The following DSP variants were observed in gnomAD, a reference collection of about 807,000 sequenced individuals.
DSP encodes desmoplakin.
DSP carries 114 observed loss-of-function variants against 290.6 expected under a neutral mutation model. The observed-to-expected ratio is 0.39, with a 90% CI of 0.34 to 0.46. The LOEUF (loss-of-function observed/expected upper bound fraction) is 0.46. Ranked by LOEUF, DSP falls within the 20% of genes least tolerant of loss-of-function variation. The pLI, the probability that DSP is intolerant of heterozygous loss-of-function variation, is 0.99. For missense variants in DSP, 3,230 were observed against 3,495.8 expected (o/e 0.92, Z 1.92); for synonymous variants, 1,311 against 1,316.4 (o/e 1.00, Z 0.09).
At chr6:7,564,896 G>A (rs977945018) in intron 6 of DSP, among the ~76,000 whole-genome samples, 6 of 152,176 alleles carry the variant, frequency 3.9e-5, no homozygotes, top group African/African-American at 1.2e-4. Flanking sequence ...CATAATTCCA[G>A]CACTTTGGGG....
Position 7,579,549 on chromosome 6 carries a change from A to T in DSP, c.3359A>T (p.Asp1120Val). The change falls in exon 23 of 24, where the codon GAT becomes GTT. Residue 1120 changes from aspartate (D) to valine (V), a missense_variant. By Grantham distance (152) the Asp-to-Val change is radical. Around this residue, in one of 5 missense-constraint regions of DSP, gnomAD observed 1,714 missense variants for 1,844.5 expected, o/e 0.93. Coordinates refer to ENST00000379802, the MANE Select transcript of DSP (RefSeq NM_004415.4). The surrounding 1 kb of genome is among the most constrained non-coding windows in gnomAD (Gnocchi z 4.1). ...ACCCGACTGACTTATGAGATTGAAGATGAAAAGAGAAGAAGAAAATCTGTG... is the reference window on the plus strand; with the variant it reads ...ACCCGACTGACTTATGAGATTGAAGTTGAAAAGAGAAGAAGAAAATCTGTG... ...KITRLTYEIEDEKRRRKSVED... is the reference protein window; with the variant it reads ...KITRLTYEIEVEKRRRKSVED... 6.2e-7 allele frequency: 1 copy of T among 1,613,980 alleles called. No individual in the cohort carries two copies. The highest frequency in any genetic ancestry group is 8.5e-7 in the Non-Finnish European group (1 of 1,180,020).
Position 7,583,456 on chromosome 6 carries a change from A to G in DSP, c.6194A>G (p.Glu2065Gly). The G allele has an allele frequency of 6.2e-7, 1 of 1,614,202 alleles. No homozygotes were observed. The highest frequency in any genetic ancestry group is 1.3e-5 in the African/African-American group (1 of 75,046). The change falls in exon 24 of 24, where the codon GAG becomes GGG. Residue 2065 changes from glutamate (E) to glycine (G), a missense_variant. Physicochemically the swap from Glu to Gly is moderately conservative, Grantham distance 98 (BLOSUM62 -2). Coordinates refer to ENST00000379802, the MANE Select transcript of DSP (RefSeq NM_004415.4). The surrounding 1 kb of genome is among the most constrained non-coding windows in gnomAD (Gnocchi z 4.0). ...TGGIIDPHRNEKLTVDSAIAR... is the reference protein window; with the variant it reads ...TGGIIDPHRNGKLTVDSAIAR... ...GGTATAATTGATCCCCATCGGAATGAGAAGCTGACTGTCGACAGTGCCATA... is the reference window on the plus strand; with the variant it reads ...GGTATAATTGATCCCCATCGGAATGGGAAGCTGACTGTCGACAGTGCCATA...
Position 7,579,587 on chromosome 6 carries a change from G to T in DSP, c.3397G>T (p.Asp1133Tyr). The change falls in exon 23 of 24, where the codon GAC (aspartate) becomes TAC (tyrosine). Residue 1133 changes from aspartate to tyrosine, a missense_variant. This residue lies in a region of DSP where 1,714 missense variants were observed against 1,844.5 expected (regional missense o/e 0.93). Transcript: ENST00000379802. The surrounding 1 kb of genome is among the most constrained non-coding windows in gnomAD (Gnocchi z 4.1). Reference sequence around the variant, plus strand: ...AAGAAAATCTGTGGAAGACAGATTTGACCAACAGAAGAATGACTATGACCA... The same window carrying T: ...AAGAAAATCTGTGGAAGACAGATTTTACCAACAGAAGAATGACTATGACCA... ...RRRKSVEDRFDQQKNDYDQLQ... is the reference protein window; with the variant it reads ...RRRKSVEDRFYQQKNDYDQLQ... 1.9e-6 allele frequency: 3 copies of T among 1,613,926 alleles called. No homozygotes were observed. In the South Asian group the frequency reaches 3.3e-5, roughly 18 times the overall value.
chr6:7,580,416 TAA>T lies in DSP; in HGVS notation c.4228_4229del (p.Lys1410GlufsTer29). The T allele has an allele frequency of 6.2e-7, 1 of 1,612,986 alleles. No homozygotes were observed. Among genetic ancestry groups the T allele is most frequent in the Non-Finnish European group, 8.5e-7 (1 of 1,179,788 alleles). ...GAAAACAGGAGCTTATCTGAAGAAA[TAA>T]AGAGGCTGAAGAACACTCTAACCCA... On this transcript the variant is annotated frameshift_variant, in exon 23 of 24. Coordinates refer to ENST00000379802, the MANE Select transcript of DSP (RefSeq NM_004415.4). LOFTEE classifies it high-confidence loss of function. This position sits in a 1 kb window ranked among gnomAD's most constrained non-coding sequence, Gnocchi z 4.2.
In DSP at chr6:7,582,191, TTATA is replaced by T. The variant is rs568348801; in HGVS notation, c.5380-448_5380-445del. The stretch of plus-strand genomic sequence containing the variant: ...GTATATCTATATATTATATATATAA[TTATA>T]TAATTACATAATATATATTTATCTA... On this transcript the variant is annotated intron_variant, in intron 23 of 23. Coordinates refer to ENST00000379802, the MANE Select transcript of DSP (RefSeq NM_004415.4). The surrounding 1 kb of genome is among the most constrained non-coding windows in gnomAD (Gnocchi z 4.2). 4.7e-3 allele frequency among the ~76,000 whole-genome samples: 689 copies of T among 146,490 alleles called. No individual in the cohort carries two copies. The highest frequency in any genetic ancestry group is 8.1e-3 in the Non-Finnish European group (542 of 66,724).
chr6:7,543,099 G>C (rs569302438), intron 1 of DSP, among the ~76,000 whole-genome samples: 2 of 152,316 alleles, frequency 1.3e-5, no homozygotes, highest in African/African-American at 2.4e-5. Context: ...CTTTGACCGG[G>C]TCTCGGGAGC....
chr6:7,562,848 C>G (rs1224927550), intron 5 of DSP, 68 bp downstream of exon 5: 1 of 1,603,256 alleles, frequency 6.2e-7, no homozygotes, highest in East Asian at 2.2e-5. Flanking sequence ...TTACTCAATC[C>G]CAGGGAGTTT....
Position 7,551,629 on chromosome 6 carries a change from C to CAA in DSP, c.171-4078_171-4077dup, listed in dbSNP as rs5874101. Among the ~76,000 whole-genome samples, 29 of 143,776 alleles carry CAA rather than the reference C, an allele frequency of 2.0e-4. No individual in the cohort carries two copies. In the South Asian group the frequency reaches 4.9e-3, roughly 24 times the overall value. 94.3% of individuals were successfully genotyped at this position (143,776 alleles called of 152,430 possible). A position where few individuals can be genotyped will look rare whatever the true frequency, so the allele number is the denominator to read the frequency against. On this transcript the variant is annotated intron_variant, in intron 1 of 23. Coordinates refer to ENST00000379802, the MANE Select transcript of DSP (RefSeq NM_004415.4). ...TGGGCGACAGAGTGAGACTCCTTCTCAAAAAAAAAAAACAGGCATGTTTCC... is the reference window on the plus strand; with the variant it reads ...TGGGCGACAGAGTGAGACTCCTTCTCAAAAAAAAAAAAAACAGGCATGTTTCC...
chr6:7,570,031 C>A (rs186431587), intron 12 of DSP, among the ~76,000 whole-genome samples: 1 of 152,320 alleles, frequency 6.6e-6, no homozygotes, highest in African/African-American at 2.4e-5. Context: ...TTGTCCATGG[C>A]AGATTCCTTT....
chr6:7,565,922 C>T lies in DSP; in HGVS notation c.939+402C>T, dbSNP rs1758849777. ...GATGAAATAACCTGTACAACAAATCCCTGTGATACAAGTTTACCTGTGTAA... is the reference window on the plus strand; with the variant it reads ...GATGAAATAACCTGTACAACAAATCTCTGTGATACAAGTTTACCTGTGTAA... On this transcript the variant is annotated intron_variant, in intron 7 of 23. Coordinates refer to ENST00000379802, the MANE Select transcript of DSP (RefSeq NM_004415.4). The surrounding 1 kb of genome is among the most constrained non-coding windows in gnomAD (Gnocchi z 4.2). The T allele has an allele frequency of 3.0e-6, 1 of 332,576 alleles. No individual in the cohort carries two copies. Among genetic ancestry groups the T allele is most frequent in the African/African-American group, 2.1e-5 (1 of 47,034 alleles). 20.6% of individuals were successfully genotyped at this position (332,576 alleles called of 1,614,324 possible).
Position 7,568,580 on chromosome 6 carries a change from A to G in DSP, c.1410A>G (p.Lys470=), listed in dbSNP as rs1554106858. ...PIILRALCDY[K]QDQKIVHKGD... is the part of the protein sequence containing the mutation. ...TTCTCAGAGCTCTCTGTGACTACAA[A>G]CAAGATCAGGTGTGTACTCATTTAG... Residue 470 remains lysine (K), a synonymous_variant, in exon 11 of 24, where the codon AAA becomes AAG. Coordinates refer to ENST00000379802, the MANE Select transcript of DSP (RefSeq NM_004415.4). The G allele has an allele frequency of 2.5e-6, 4 of 1,613,818 alleles. No homozygotes were observed. Among genetic ancestry groups the G allele is most frequent in the East Asian group, 2.2e-5 (1 of 44,882 alleles).
intron 7 of DSP, among the ~76,000 whole-genome samples, chr6:7,566,101 G>A (rs1758854907): frequency 6.6e-6 from 1 of 152,188 alleles, no homozygotes. Flanking sequence ...CACTGCAGGA[G>A]GGTGGGTGGA....
chr6:7,556,418 T>C (rs112609171), intron 2 of DSP, among the ~76,000 whole-genome samples: 2 of 152,206 alleles, frequency 1.3e-5, no homozygotes, highest in Admixed American at 6.5e-5. Context: ...AAGTCTTCAT[T>C]TTAAAACACT....
intron 19 of DSP, 146 bp downstream of exon 19, chr6:7,576,602 C>A: frequency 1.9e-6 from 2 of 1,054,894 alleles, no homozygotes; most frequent in Non-Finnish European, 2.8e-6. Context: ...TAAAGAATGC[C>A]CAGAGGAAAA....
At chr6:7,558,352 C>A in intron 3 of DSP, 88 bp downstream of exon 3, 1 of 1,530,698 alleles carries the variant, frequency 6.5e-7, no homozygotes, top group East Asian at 2.4e-5. Context: ...CCCAGGGCTT[C>A]CTTTGAAGGC....
rs397516953 is a variant in DSP, at chr6:7,583,917, G to A, written c.6655G>A (p.Val2219Ile). The A allele has an allele frequency of 2.6e-4, 424 of 1,614,092 alleles. 4 individuals are homozygous for A. The South Asian group carries it at 4.2e-3, about 16-fold the overall frequency. ...SFQGIRQPVT[V>I]TELVDSGILR... ...CCAAGGAATCAGACAACCTGTGACC[G>A]TCACTGAGCTAGTAGATTCTGGTAT... is the stretch of plus-strand genomic sequence containing the variant. Residue 2219 changes from valine to isoleucine, a missense_variant, in exon 24 of 24, where the codon GTC becomes ATC. By Grantham distance (29) the Val-to-Ile change is conservative. Coordinates refer to ENST00000379802, the MANE Select transcript of DSP (RefSeq NM_004415.4). This position sits in a 1 kb window ranked among gnomAD's most constrained non-coding sequence, Gnocchi z 4.0.
chr6:7,568,433 G>T lies in DSP; in HGVS notation c.1267-4G>T. On this transcript the variant is annotated splice_polypyrimidine_tract_variant and splice_region_variant and intron_variant, in intron 10 of 23. Coordinates refer to ENST00000379802, the MANE Select transcript of DSP (RefSeq NM_004415.4). Reference sequence around the variant, plus strand: ...TTTAAGTATGATTTTATTCACCATTGCAGAAAGAACGAGAGAAAATCCTTG... The same window carrying T: ...TTTAAGTATGATTTTATTCACCATTTCAGAAAGAACGAGAGAAAATCCTTG... 6.2e-7 allele frequency: 1 copy of T among 1,613,976 alleles called. No homozygotes were observed. Among genetic ancestry groups the T allele is most frequent in the Non-Finnish European group, 8.5e-7 (1 of 1,179,988 alleles).
chr6:7,560,982 C>T (rs1239105945), intron 4 of DSP, among the ~76,000 whole-genome samples: 5 of 149,368 alleles, frequency 3.3e-5, no homozygotes, highest in Non-Finnish European at 7.4e-5. Context: ...GAGGGAGTCT[C>T]ACTCTGTTGC....
chr6:7,570,310 C>A, intron 12 of DSP, 127 bp from the exon 13 acceptor site: 1 of 1,385,868 alleles, frequency 7.2e-7, no homozygotes, highest in Non-Finnish European at 1.0e-6. Flanking sequence ...AAAGTTATAC[C>A]TCTACCTGTT....
Sources: allele counts gnomAD v4.1 joint callset (sites outside exome capture counted in the v4.1 genomes callset), GRCh38; gene constraint gnomAD v4.1.1; regional missense constraint gnomAD v4.1.1; non-coding constraint Gnocchi (gnomAD v3.1); transcripts MANE v1.5; gene names NCBI Gene and HGNC (gene_info 2026-07-23, HGNC 2026-07-21).